The following NKAIN2 variants were observed in gnomAD, a reference collection of about 807,000 sequenced individuals.
NKAIN2 encodes the protein sodium/potassium-transporting ATPase subunit beta-1-interacting protein 2.
In NKAIN2, 14 loss-of-function variants were observed where a neutral mutation model predicts 32.6. The observed-to-expected ratio is 0.43, with a 90% CI of 0.28 to 0.67. The LOEUF is 0.67. Among genes scored for constraint, NKAIN2 ranks in the 30% least tolerant of loss-of-function variants. The pLI is 0.17. For synonymous variants in NKAIN2, 80 were observed against 87.2 expected (o/e 0.92, Z 0.46); for missense variants, 198 against 258.3 (o/e 0.77, Z 1.60).
At chr6:124,429,200 G>A (rs1193005706) in intron 3 of NKAIN2, among the ~76,000 whole-genome samples, 1 of 143,908 alleles carries the variant, frequency 6.9e-6, no homozygotes, top group Non-Finnish European at 1.5e-5. Context: ...ACCACTCCTG[G>A]CTAATTTTTT....
intron 1 of NKAIN2, among the ~76,000 whole-genome samples, chr6:124,090,920 A>G (rs1214254063): frequency 6.6e-6 from 1 of 152,038 alleles, no homozygotes; most frequent in East Asian, 1.9e-4. Flanking sequence ...ATAGGAAGCT[A>G]TATATAAATC....
intron 4 of NKAIN2, among the ~76,000 whole-genome samples, chr6:124,687,340 T>C (rs1283969088): frequency 1.5e-5 from 2 of 137,098 alleles, no homozygotes; most frequent in Non-Finnish European, 3.2e-5. Context: ...TCCATACATA[T>C]ACATATAATA....
intron 2 of NKAIN2, among the ~76,000 whole-genome samples, chr6:124,300,096 C>A (rs998808115): frequency 9.2e-5 from 14 of 152,110 alleles, no homozygotes; most frequent in Non-Finnish European, 1.6e-4. Flanking sequence ...TTCTTTCCAA[C>A]CCCCAATTCC....
intron 1 of NKAIN2, among the ~76,000 whole-genome samples, chr6:123,991,162 G>A (rs976402101): frequency 9.9e-5 from 15 of 152,144 alleles, no homozygotes; most frequent in African/African-American, 3.6e-4. Context: ...ATTGACTTGA[G>A]CCAATTTTTA....
At chr6:124,524,244 T>C (rs1164992391) in intron 3 of NKAIN2, among the ~76,000 whole-genome samples, 1 of 152,166 alleles carries the variant, frequency 6.6e-6, no homozygotes, top group Non-Finnish European at 1.5e-5. Flanking sequence ...ATGCACAAAT[T>C]TGTTTATATG....
At chr6:124,064,586 A>C in intron 1 of NKAIN2, among the ~76,000 whole-genome samples, 1 of 152,294 alleles carries the variant, frequency 6.6e-6, no homozygotes, top group East Asian at 1.9e-4. Flanking sequence ...CGGTAAACTG[A>C]AAGATGTCCA....
intron 1 of NKAIN2, among the ~76,000 whole-genome samples, chr6:123,865,565 T>G (rs960794424): frequency 1.3e-5 from 2 of 152,228 alleles, no homozygotes; most frequent in Non-Finnish European, 2.9e-5. Flanking sequence ...GTTATATGTT[T>G]TATTCTATGT....
chr6:124,635,024 G>A (rs1783718943), intron 3 of NKAIN2, among the ~76,000 whole-genome samples: 1 of 148,652 alleles, frequency 6.7e-6, no homozygotes, highest in Admixed American at 6.7e-5. Flanking sequence ...GACAAGGTAA[G>A]GAAAGGAAGA....
At chr6:124,741,716 A>T (rs139516214) in intron 4 of NKAIN2, among the ~76,000 whole-genome samples, 2 of 151,992 alleles carry the variant, frequency 1.3e-5, no homozygotes, top group Non-Finnish European at 2.9e-5. Flanking sequence ...TTGTGAAGGC[A>T]AACTGCTTTA....
intron 1 of NKAIN2, among the ~76,000 whole-genome samples, chr6:124,238,519 A>G (rs1325005797): frequency 6.6e-6 from 1 of 152,118 alleles, no homozygotes; most frequent in African/African-American, 2.4e-5. Flanking sequence ...TAAAAGCAAT[A>G]GAAGTTAAAA....
intron 3 of NKAIN2, among the ~76,000 whole-genome samples, chr6:124,378,871 C>T (rs893401754): frequency 2.7e-5 from 4 of 146,410 alleles, no homozygotes; most frequent in Admixed American, 2.7e-4. Context: ...TGGAGGATCA[C>T]TTGAACCCAG....
chr6:124,030,522 A>G (rs1781361284), intron 1 of NKAIN2, among the ~76,000 whole-genome samples: 2 of 152,192 alleles, frequency 1.3e-5, no homozygotes, highest in Non-Finnish European at 2.9e-5. Context: ...CATCAGGACA[A>G]TGATGGTGTA....
chr6:124,202,344 T>G (rs1195334488), intron 1 of NKAIN2, among the ~76,000 whole-genome samples: 1 of 152,010 alleles, frequency 6.6e-6, no homozygotes, highest in Non-Finnish European at 1.5e-5. Flanking sequence ...TTCTCACAAT[T>G]GGCTTCGATT....
At chr6:124,278,650 CATATATAT>C (rs57008229) in intron 1 of NKAIN2, among the ~76,000 whole-genome samples, 1,519 of 68,928 alleles carry the variant, frequency 0.022, 46 homozygotes, top group African/African-American at 0.053. Flanking sequence ...ATACATAGCT[CATATATAT>C]ATATATATAT....
intron 4 of NKAIN2, among the ~76,000 whole-genome samples, chr6:124,705,364 A>T (rs540946489): frequency 6.6e-6 from 1 of 152,258 alleles, no homozygotes; most frequent in East Asian, 1.9e-4. Context: ...ATCTGCTGTT[A>T]GATGGCTTAT....
chr6:124,276,024 T>C (rs1420250774), intron 1 of NKAIN2, among the ~76,000 whole-genome samples: 2 of 152,056 alleles, frequency 1.3e-5, no homozygotes, highest in East Asian at 1.9e-4. Context: ...AAACATGATT[T>C]TCCAATTCTA....
intron 1 of NKAIN2, among the ~76,000 whole-genome samples, chr6:123,940,195 A>G (rs1776749854): frequency 6.6e-6 from 1 of 151,952 alleles, no homozygotes; most frequent in Non-Finnish European, 1.5e-5. Flanking sequence ...TGGCCAGGCT[A>G]ACCACCATTG....
chr6:123,858,117 A>AT lies in NKAIN2; in HGVS notation c.54+53865dup, dbSNP rs1259515706. On this transcript the variant is annotated intron_variant, in intron 1 of 6. Transcript: ENST00000368417. ...AACTATCCTTCCTAACATTATTATT[A>AT]TTATTTTTTTTTTTTTGAGAGGGAT... is the stretch of plus-strand genomic sequence containing the variant. Among the ~76,000 whole-genome samples, 71 of 149,616 alleles carry AT rather than the reference A, an allele frequency of 4.7e-4. 1 individual carries two copies. Among genetic ancestry groups the AT allele is most frequent in the South Asian group, 1.5e-3 (7 of 4,706 alleles).
chr6:124,078,053 A>T (rs2114898735), intron 1 of NKAIN2, among the ~76,000 whole-genome samples: 1 of 152,248 alleles, frequency 6.6e-6, no homozygotes, highest in African/African-American at 2.4e-5. Flanking sequence ...CAGTCCTCAT[A>T]ATTTCATTTT....
Sources: gnomAD v4.1 joint callset for allele counts (sites outside exome capture counted in the v4.1 genomes callset) on GRCh38, gnomAD v4.1.1 for gene constraint, MANE v1.5 for transcripts, NCBI Gene and HGNC (gene_info 2026-07-23, HGNC 2026-07-21) for gene names.